Variants in DVL3 observed in about 807,000 individuals in gnomAD.
DVL3 encodes the protein dishevelled segment polarity protein 3, also known as segment polarity protein dishevelled homolog DVL-3.
In DVL3, 27 loss-of-function variants were observed where a neutral mutation model predicts 67.4. The ratio of observed to expected loss-of-function variants is 0.40; its 90% confidence interval spans 0.30 to 0.55. The LOEUF is 0.55. Ranked by LOEUF, DVL3 falls within the 20% of genes least tolerant of loss-of-function variation. The pLI is 0.46. For missense variants in DVL3, 819 were observed against 1,021.5 expected, an observed-to-expected ratio of 0.80 and a Z score of 2.70; for synonymous variants, 369 against 396.8, an observed-to-expected ratio of 0.93 and a Z score of 0.83.
Position 184,165,326 on chromosome 3 carries a change from C to A in DVL3, c.694-96C>A. On this transcript the variant is annotated intron_variant, in intron 6 of 14. Transcript: ENST00000313143. This position sits in a 1 kb window ranked among gnomAD's most constrained non-coding sequence, Gnocchi z 4.1. ...TAGTGCAGTGTTGAGAACCTTGGGG[C>A]TGGGGGCTGCACCGGGGACTCACCT... 1 of 1,538,656 alleles carries A rather than the reference C, an allele frequency of 6.5e-7. No homozygotes were observed.
At chr3:184,157,831 C>G (rs921429706) in intron 1 of DVL3, among the ~76,000 whole-genome samples, 3 of 152,074 alleles carry the variant, frequency 2.0e-5, no homozygotes, top group Non-Finnish European at 4.4e-5. Context: ...GTTTGTATCC[C>G]CAGAAGGATA....
In DVL3 at chr3:184,164,760, G is replaced by T. The variant is rs149483051; in HGVS notation, c.464-36G>T. 198 of 1,613,912 alleles carry T rather than the reference G, an allele frequency of 1.2e-4. 1 individual carries two copies. The African/African-American group carries it at 2.4e-3, about 20-fold the overall frequency. On this transcript the variant is annotated intron_variant, in intron 4 of 14. Coordinates refer to ENST00000313143, the MANE Select transcript of DVL3 (RefSeq NM_004423.4). The surrounding 1 kb of genome is among the most constrained non-coding windows in gnomAD (Gnocchi z 5.3). Reference sequence around the variant, plus strand: ...TCTCCCTCCTTCACCCCTGCACTGGGCACTGTGTAAACCCAACTGCTTCCA... The same window carrying T: ...TCTCCCTCCTTCACCCCTGCACTGGTCACTGTGTAAACCCAACTGCTTCCA...
chr3:184,168,830 A>T (rs982607647), intron 13 of DVL3, among the ~76,000 whole-genome samples: 1 of 152,144 alleles, frequency 6.6e-6, no homozygotes, highest in Non-Finnish European at 1.5e-5. Flanking sequence ...ATTCTCTTCA[A>T]TGTAGTTCCA....
Position 184,166,666 on chromosome 3 carries a change from G to A in DVL3, c.1041G>A (p.Leu347=), listed in dbSNP as rs757795993. The A allele has an allele frequency of 1.5e-5, 25 of 1,613,920 alleles. No homozygotes were observed. The highest frequency in any genetic ancestry group is 1.9e-5 in the Non-Finnish European group (23 of 1,179,980). ...CAAGTCCACGTGGTTGCTTCACATT[G>A]CCCAGGAGTAAGTGGATGGGAGACT... ...WDPSPRGCFT[L]PRSEPIRPID... is the part of the protein sequence containing the mutation. The change falls in exon 10 of 15, where the codon TTG becomes TTA. Residue 347 remains leucine, a synonymous_variant. Coordinates refer to ENST00000313143, the MANE Select transcript of DVL3 (RefSeq NM_004423.4). This position sits in a 1 kb window ranked among gnomAD's most constrained non-coding sequence, Gnocchi z 6.7.
intron 1 of DVL3, among the ~76,000 whole-genome samples, chr3:184,162,802 G>A (rs1714429818): frequency 6.6e-6 from 1 of 152,122 alleles, no homozygotes; most frequent in South Asian, 2.1e-4. Flanking sequence ...AATAACAGAG[G>A]TAACGTGGGT....
At chr3:184,169,946 A>G (rs1404548991) in intron 13 of DVL3, 60 bp from the exon 14 acceptor site, 2 of 1,462,888 alleles carry the variant, frequency 1.4e-6, no homozygotes, top group Middle Eastern at 1.8e-4. Context: ...AGCCCACCTG[A>G]CCTAGGCTAG....
At chr3:184,156,258 T>C in intron 1 of DVL3, 2 of 454,034 alleles carry the variant, frequency 4.4e-6, no homozygotes, top group Non-Finnish European at 8.8e-6. Context: ...TGGAGTATGC[T>C]GCATCTGAGG....
rs571807912 is a variant in DVL3 at position 184,173,264 on chromosome 3, C to T, written c.*2509C>T. ...CTCACCAGCTAGAAACATTTATGAG[C>T]TTACATTCCTTCTTCCCATATCTTA... On this transcript the variant is annotated 3_prime_UTR_variant, in exon 15 of 15. Coordinates refer to ENST00000313143, the MANE Select transcript of DVL3 (RefSeq NM_004423.4). 2.0e-5 allele frequency: 3 copies of T among 152,378 alleles called. No homozygotes were observed. Among genetic ancestry groups the T allele is most frequent in the East Asian group, 1.9e-4 (1 of 5,194 alleles). The allele number at this position is 152,378 out of a possible 1,614,324, so 9.4% of individuals were successfully genotyped here.
At position 184,162,553 on chromosome 3, in the gene DVL3, T is replaced by G. The variant is rs890161601; in HGVS notation, c.162-1104T>G. ...GCCTTCTCCCCTTCTCTTTTTCTTTTTCTTTTCTTTTTTTTTTTTTTTTTG... is the reference window on the plus strand; with the variant it reads ...GCCTTCTCCCCTTCTCTTTTTCTTTGTCTTTTCTTTTTTTTTTTTTTTTTG... On this transcript the variant is annotated intron_variant, in intron 1 of 14. Transcript: ENST00000313143. Among the ~76,000 whole-genome samples the G allele has an allele frequency of 2.7e-3, 362 of 131,836 alleles. 3 individuals carry two copies. Among genetic ancestry groups the G allele is most frequent in the Middle Eastern group, 7.5e-3 (2 of 268 alleles). 86.5% of individuals were successfully genotyped at this position (131,836 alleles called of 152,430 possible).
chr3:184,158,923 G>A (rs1274360993), intron 1 of DVL3, among the ~76,000 whole-genome samples: 1 of 151,700 alleles, frequency 6.6e-6, no homozygotes, highest in Non-Finnish European at 1.5e-5. Flanking sequence ...TTACAGGCAT[G>A]AGCCACCATG....
At chr3:184,156,798 G>A in intron 1 of DVL3, 1 of 284,400 alleles carries the variant, frequency 3.5e-6, no homozygotes, top group Non-Finnish European at 7.0e-6. Flanking sequence ...CTCACTAACT[G>A]GGCGCTGGGC....
chr3:184,170,814 C>T lies in DVL3; in HGVS notation c.*59C>T. 2 of 1,597,794 alleles carry T rather than the reference C, an allele frequency of 1.3e-6. No homozygotes were observed. Among genetic ancestry groups the T allele is most frequent in the Non-Finnish European group, 1.7e-6 (2 of 1,172,590 alleles). ...ACCCCAGCCGGCTGCGTTCCTCTCT[C>T]CATCCGTCCGTCTTTTTTACTTTGT... On this transcript the variant is annotated 3_prime_UTR_variant, in exon 15 of 15. Transcript: ENST00000313143. This position sits in a 1 kb window ranked among gnomAD's most constrained non-coding sequence, Gnocchi z 6.5.
intron 13 of DVL3, among the ~76,000 whole-genome samples, chr3:184,168,414 G>A (rs1714675651): frequency 6.6e-6 from 1 of 152,146 alleles, no homozygotes. Context: ...TCTCAGCTAG[G>A]GTGTTGTAGG....
rs771100860 is a variant in DVL3, at chr3:184,164,332, G to C, written c.297G>C (p.Leu99=). 1.9e-6 allele frequency: 3 copies of C among 1,614,102 alleles called. 1 individual carries two copies. In the Admixed American group the frequency reaches 5.0e-5, roughly 27 times the overall value. Residue 99 remains leucine, a synonymous_variant, in exon 3 of 15, where the codon CTG becomes CTC. Transcript: ENST00000313143. This position sits in a 1 kb window ranked among gnomAD's most constrained non-coding sequence, Gnocchi z 5.3. ...APFCADNPSE[L]PPPMERTGGI... Reference sequence around the variant, plus strand: ...TCTGTGCTGATAACCCATCGGAGCTGCCACCACCTATGGAGCGCACGGGAG... The same window carrying C: ...TCTGTGCTGATAACCCATCGGAGCTCCCACCACCTATGGAGCGCACGGGAG...
chr3:184,171,768 T>G lies in DVL3; in HGVS notation c.*1013T>G, dbSNP rs186644803. The G allele has an allele frequency of 4.6e-4, 104 of 226,530 alleles. No homozygotes were observed. Among genetic ancestry groups the G allele is most frequent in the Admixed American group, 2.7e-3 (42 of 15,366 alleles). 14.0% of individuals were successfully genotyped at this position (226,530 alleles called of 1,614,324 possible). On this transcript the variant is annotated 3_prime_UTR_variant, in exon 15 of 15. Coordinates refer to ENST00000313143, the MANE Select transcript of DVL3 (RefSeq NM_004423.4). ...CCCATGCATGAGAGACTCTCCTCCT[T>G]TCCAGAGAGAATCGGATCGCACCAC...
Position 184,164,295 on chromosome 3 carries a change from A to ACCCAGC in DVL3, c.264_269dup (p.Ala89_Pro90dup). ...GTGTCAGCTGAGGGCTCACACCCAG[A>ACCCAGC]CCCAGCCCCCTTCTGTGCTGATAAC... On this transcript the variant is annotated inframe_insertion, in exon 3 of 15. Coordinates refer to ENST00000313143, the MANE Select transcript of DVL3 (RefSeq NM_004423.4). This position sits in a 1 kb window ranked among gnomAD's most constrained non-coding sequence, Gnocchi z 5.3. 6.2e-7 allele frequency: 1 copy of ACCCAGC among 1,614,000 alleles called. No individual in the cohort carries two copies. The highest frequency in any genetic ancestry group is 2.2e-5 in the East Asian group (1 of 44,876).
In DVL3 at chr3:184,163,054, T is replaced by C. The variant is rs1466777247; in HGVS notation, c.162-603T>C. Among the ~76,000 whole-genome samples the C allele has an allele frequency of 6.6e-6, 1 of 151,984 alleles. No homozygotes were observed. Among genetic ancestry groups the C allele is most frequent in the Non-Finnish European group, 1.5e-5 (1 of 67,992 alleles). On this transcript the variant is annotated intron_variant, in intron 1 of 14. Transcript: ENST00000313143. This position sits in a 1 kb window ranked among gnomAD's most constrained non-coding sequence, Gnocchi z 4.5. ...GGTGCACACCACCACACCCGGCTAA[T>C]TTTTGTATTTTTAGTAGAGATGGGG...
Position 184,170,593 on chromosome 3 carries a change from C to G in DVL3, c.1989C>G (p.Gly663=). Residue 663 remains glycine (G), a synonymous_variant, in exon 15 of 15, where the codon GGC becomes GGG. Coordinates refer to ENST00000313143, the MANE Select transcript of DVL3 (RefSeq NM_004423.4). The surrounding 1 kb of genome is among the most constrained non-coding windows in gnomAD (Gnocchi z 6.5). ...CTCCCGGAGTGCCCCCTCTCTACGGCCCCCCCATGCTGATGATGCCCCCGC... is the reference window on the plus strand; with the variant it reads ...CTCCCGGAGTGCCCCCTCTCTACGGGCCCCCCATGCTGATGATGCCCCCGC... ...YGPPGVPPLY[G]PPMLMMPPPP... is the part of the protein sequence containing the mutation. The G allele has an allele frequency of 1.2e-6, 2 of 1,602,776 alleles. No homozygotes were observed. Among genetic ancestry groups the G allele is most frequent in the East Asian group, 4.5e-5 (2 of 44,342 alleles).
At position 184,166,396 on chromosome 3, in the gene DVL3, T is replaced by A. The variant is rs1375617938; in HGVS notation, c.904-50T>A. ...CCTGACCTACCAAGTTGAGTTCCCT[T>A]TTCATCCTCCCCAGCACAGCTGTTT... On this transcript the variant is annotated intron_variant, in intron 8 of 14. Coordinates refer to ENST00000313143, the MANE Select transcript of DVL3 (RefSeq NM_004423.4). The surrounding 1 kb of genome is among the most constrained non-coding windows in gnomAD (Gnocchi z 6.7). 6.2e-7 allele frequency: 1 copy of A among 1,613,208 alleles called. No homozygotes were observed. Among genetic ancestry groups the A allele is most frequent in the South Asian group, 1.1e-5 (1 of 91,044 alleles).
Sources: allele counts gnomAD v4.1 joint callset (sites outside exome capture counted in the v4.1 genomes callset), GRCh38; gene constraint gnomAD v4.1.1; non-coding constraint Gnocchi (gnomAD v3.1); transcripts MANE v1.5; gene names NCBI Gene and HGNC (gene_info 2026-07-23, HGNC 2026-07-21).